The following ARHGAP23 variants were observed in gnomAD, a reference collection of about 807,000 sequenced individuals.
ARHGAP23 encodes rho GTPase-activating protein 23.
In ARHGAP23, 34 loss-of-function variants were observed where a neutral mutation model predicts 136.3. That is an observed-to-expected ratio of 0.25 (90% CI 0.19 to 0.33). ARHGAP23 has a LOEUF of 0.33. Ranked by LOEUF, ARHGAP23 falls within the 10% of genes least tolerant of loss-of-function variation. ARHGAP23 has a pLI of 1.00. For synonymous variants in ARHGAP23, 832 were observed against 920.5 expected, an observed-to-expected ratio of 0.90 and a Z score of 1.74; for missense variants, 1,808 against 2,139.0, an observed-to-expected ratio of 0.85 and a Z score of 3.05.
intron 1 of ARHGAP23, chr17:38,453,837 C>A (rs2039254240): frequency 6.9e-6 from 1 of 144,266 alleles, no homozygotes; most frequent in South Asian, 2.1e-4. Flanking sequence ...GCCGGCCGCC[C>A]GGGGGGTCGA....
intron 23 of ARHGAP23, among the ~76,000 whole-genome samples, chr17:38,505,671 G>A (rs903079668): frequency 2.0e-4 from 30 of 152,288 alleles, no homozygotes; most frequent in Admixed American, 1.9e-3. Flanking sequence ...GCTCATGCCT[G>A]TAATCCCAGC....
chr17:38,478,698 T>C (rs2039959761), intron 12 of ARHGAP23, among the ~76,000 whole-genome samples: 3 of 152,164 alleles, frequency 2.0e-5, no homozygotes, highest in South Asian at 2.1e-4. Flanking sequence ...TGTGAGCTAC[T>C]GTGCCCAGCC....
At chr17:38,446,181 ATTTTTTT>A (rs5820259) in intron 1 of ARHGAP23, among the ~76,000 whole-genome samples, 95 of 99,622 alleles carry the variant, frequency 9.5e-4, no homozygotes, top group Non-Finnish European at 1.2e-3. Flanking sequence ...CACCTGGCTA[ATTTTTTT>A]TTTTTTTTTT....
chr17:38,491,021 C>A (rs1377416753), intron 19 of ARHGAP23, among the ~76,000 whole-genome samples: 1 of 152,198 alleles, frequency 6.6e-6, no homozygotes, highest in South Asian at 2.1e-4. Flanking sequence ...CGGGTTCAAG[C>A]GATGCTCCTG....
chr17:38,438,182 G>A (rs887534256), intron 1 of ARHGAP23, among the ~76,000 whole-genome samples: 38 of 152,104 alleles, frequency 2.5e-4, no homozygotes, highest in Non-Finnish European at 1.6e-4. Flanking sequence ...TTAGCTGGGC[G>A]TGGTGGCATG....
At chr17:38,503,972 G>A (rs937431157) in intron 23 of ARHGAP23, among the ~76,000 whole-genome samples, 1 of 152,112 alleles carries the variant, frequency 6.6e-6, no homozygotes, top group South Asian at 2.1e-4. Context: ...TCATTTTTAC[G>A]GAAGACCCTT....
At chr17:38,427,503 C>T (rs972603080), upstream of ARHGAP23, among the ~76,000 whole-genome samples, 3 of 152,020 alleles carry the variant, frequency 2.0e-5, no homozygotes, top group African/African-American at 4.8e-5. Context: ...GACTGTCCCT[C>T]CCTGGACTGT....
chr17:38,486,536 CTTTTTTTTTT>C (rs34888986), intron 17 of ARHGAP23, among the ~76,000 whole-genome samples: 1 of 125,848 alleles, frequency 7.9e-6, no homozygotes, highest in Admixed American at 8.3e-5. Context: ...ACCACGCTGG[CTTTTTTTTTT>C]TTTTTTTTTT....
intron 2 of ARHGAP23, among the ~76,000 whole-genome samples, chr17:38,460,563 G>A (rs2039434806): frequency 6.6e-6 from 1 of 152,134 alleles, no homozygotes; most frequent in Non-Finnish European, 1.5e-5. Flanking sequence ...CGCTTGTCAC[G>A]TGCCTATCTG....
At chr17:38,474,735 C>G (rs1028516320) in intron 11 of ARHGAP23, among the ~76,000 whole-genome samples, 1 of 148,882 alleles carries the variant, frequency 6.7e-6, no homozygotes, top group African/African-American at 2.4e-5. Flanking sequence ...AGGCAAGAGA[C>G]CCGGCTGAGC....
intron 1 of ARHGAP23, among the ~76,000 whole-genome samples, chr17:38,445,433 C>A (rs963934929): frequency 3.3e-5 from 5 of 151,622 alleles, no homozygotes; most frequent in Admixed American, 6.6e-5. Flanking sequence ...GCTGAGAGCA[C>A]GCCATTGCAC....
intron 20 of ARHGAP23, among the ~76,000 whole-genome samples, 161 bp from the exon 21 acceptor site, chr17:38,497,624 C>T (rs528356327): frequency 3.9e-5 from 6 of 152,334 alleles, no homozygotes; most frequent in East Asian, 3.9e-4. Flanking sequence ...TTTTAGGGTC[C>T]GTCAAGCTCC....
intron 20 of ARHGAP23, among the ~76,000 whole-genome samples, chr17:38,494,851 G>T (rs1376435226): frequency 6.6e-6 from 1 of 152,196 alleles, no homozygotes; most frequent in Non-Finnish European, 1.5e-5. Flanking sequence ...GCAGGAACTA[G>T]TGTGGATTCC....
At position 38,493,214 on chromosome 17, in the gene ARHGAP23, T is replaced by G. The variant is rs1158627871; in HGVS notation, c.3276+1682T>G. The stretch of plus-strand genomic sequence containing the variant: ...TTTCGCTTTTTTTTTGTTTTTTTGT[T>G]TTTTTTTTGATAGAGTCTCAGTCTG... On this transcript the variant is annotated intron_variant, in intron 20 of 23. Transcript: ENST00000622683. Among the ~76,000 whole-genome samples the G allele has an allele frequency of 1.7e-3, 34 of 20,302 alleles. No individual in the cohort carries two copies. In the East Asian group the frequency reaches 0.12, roughly 75 times the overall value. The allele number at this position is 20,302 out of a possible 152,430, so 13.3% of individuals were successfully genotyped here. A position where few individuals can be genotyped will look rare whatever the true frequency, so the allele number is the denominator to read the frequency against.
At position 38,469,830 on chromosome 17, in the gene ARHGAP23, C is replaced by T. The variant is rs1267645275; in HGVS notation, c.1917-17C>T. ...CTTTGCTGCCCACATCCCTCACCCT[C>T]GACCCTCGCTTTCCAGGCGCCTGCC... is the stretch of plus-strand genomic sequence containing the variant. On this transcript the variant is annotated splice_polypyrimidine_tract_variant and intron_variant, in intron 9 of 23. Transcript: ENST00000622683. 8.4e-6 allele frequency: 13 copies of T among 1,551,548 alleles called. No individual in the cohort carries two copies. The highest frequency in any genetic ancestry group is 2.0e-5 in the Admixed American group (1 of 51,008).
chr17:38,436,435 C>T (rs1159917261), intron 1 of ARHGAP23, among the ~76,000 whole-genome samples: 2 of 152,176 alleles, frequency 1.3e-5, no homozygotes, highest in South Asian at 2.1e-4. Flanking sequence ...CTGCCCTCTC[C>T]GTAATTTCAG....
intron 6 of ARHGAP23, among the ~76,000 whole-genome samples, chr17:38,464,063 G>A (rs761810101): frequency 1.3e-5 from 2 of 151,984 alleles, no homozygotes; most frequent in Non-Finnish European, 2.9e-5. Flanking sequence ...TTGCACACTC[G>A]GACCTCCACA....
chr17:38,466,375 G>T lies in ARHGAP23; in HGVS notation c.692G>T (p.Arg231Leu). 1 of 1,536,688 alleles carries T rather than the reference G, an allele frequency of 6.5e-7. No homozygotes were observed. Among genetic ancestry groups the T allele is most frequent in the Non-Finnish European group, 8.7e-7 (1 of 1,143,034 alleles). The change falls in exon 7 of 24, where the codon CGT (arginine) becomes CTT (leucine). Residue 231 changes from arginine (R) to leucine (L), a missense_variant. Coordinates refer to ENST00000622683, the MANE Select transcript of ARHGAP23 (RefSeq NM_001199417.2). Reference sequence around the variant, plus strand: ...GCTGCCTGGAGTGACCCGGGGCTCCGTGTGCCACCTGCTGCCCGTGCCCAC... The same window carrying T: ...GCTGCCTGGAGTGACCCGGGGCTCCTTGTGCCACCTGCTGCCCGTGCCCAC... ...SPAAWSDPGL[R>L]VPPAARAHLD...
intron 1 of ARHGAP23, among the ~76,000 whole-genome samples, chr17:38,455,605 G>C (rs1241577814): frequency 6.6e-6 from 1 of 152,162 alleles, no homozygotes; most frequent in Non-Finnish European, 1.5e-5. Context: ...TGGGGCAGCT[G>C]GTGGCTTGAA....
Sources: gnomAD v4.1 joint callset for allele counts (sites outside exome capture counted in the v4.1 genomes callset) on GRCh38, gnomAD v4.1.1 for gene constraint, MANE v1.5 for transcripts, NCBI Gene and HGNC (gene_info 2026-07-23, HGNC 2026-07-21) for gene names.